Variants in ZNF624 observed in about 807,000 individuals in gnomAD.
ZNF624 encodes the protein zinc finger protein 624.
ZNF624 carries 43 observed loss-of-function variants against 74.7 expected under a neutral mutation model. The observed-to-expected ratio is 0.58, with a 90% CI of 0.45 to 0.74. ZNF624 has a LOEUF of 0.74. Among genes scored for constraint, ZNF624 ranks in the 30% least tolerant of loss-of-function variants. The pLI, the probability that ZNF624 is intolerant of heterozygous loss-of-function variation, is 0.00. For synonymous variants in ZNF624, 331 were observed against 341.3 expected (o/e 0.97, Z 0.33); for missense variants, 820 against 1,030.0 (o/e 0.80, Z 2.79).
chr17:16,616,961 G>A (rs1908803772), downstream of ZNF624: 6 of 1,590,564 alleles, frequency 3.8e-6, no homozygotes, highest in African/African-American at 8.1e-5. Context: ...TTTCAGGGTG[G>A]ACCAGGTAGC....
chr17:16,641,848 T>A (rs1909474007), intron 3 of ZNF624, among the ~76,000 whole-genome samples: 1 of 152,200 alleles, frequency 6.6e-6, no homozygotes, highest in Admixed American at 6.5e-5. Context: ...AAGTCAATTA[T>A]CTGTATACAC....
intron 3 of ZNF624, among the ~76,000 whole-genome samples, chr17:16,644,538 C>T (rs923220748): frequency 1.3e-5 from 2 of 152,136 alleles, no homozygotes; most frequent in South Asian, 4.1e-4. Flanking sequence ...AGATAATACA[C>T]TGATGCATAC....
In ZNF624 at chr17:16,621,150, A is replaced by G. The variant is rs1317332725; in HGVS notation, c.*1138T>C. On this transcript the variant is annotated 3_prime_UTR_variant, in exon 6 of 6. Coordinates refer to ENST00000311331, the MANE Select transcript of ZNF624 (RefSeq NM_020787.4). The stretch of plus-strand genomic sequence containing the variant: ...AACAAAAATGATATATTGTATATAT[A>G]CATTTGTTATAAAGCAATTATTTAT... The G allele has an allele frequency of 6.6e-6, 1 of 152,244 alleles. No individual in the cohort carries two copies. 9.4% of individuals were successfully genotyped at this position (152,244 alleles called of 1,614,324 possible).
Position 16,623,954 on chromosome 17 carries a change from T to C in ZNF624, c.932A>G (p.Lys311Arg), listed in dbSNP as rs760021117. The C allele has an allele frequency of 1.2e-6, 2 of 1,613,888 alleles. No homozygotes were observed. Among genetic ancestry groups the C allele is most frequent in the African/African-American group, 1.3e-5 (1 of 74,950 alleles). ...EKPYECNECG[K>R]TFSQPSYLSQ... ...GAGATATGAAGGCTGGCTGAATGTT[T>C]TCCCACATTCATTACATTCATAAGG... is the stretch of plus-strand genomic sequence containing the variant. The change falls in exon 6 of 6, where the codon AAA (lysine) becomes AGA (arginine). Residue 311 changes from lysine (K) to arginine (R), a missense_variant. Physicochemically the swap from Lys to Arg is conservative, Grantham distance 26 (BLOSUM62 2). Transcript: ENST00000311331. The surrounding 1 kb of genome is among the most constrained non-coding windows in gnomAD (Gnocchi z 5.3).
At chr17:16,630,607 G>A (rs1303919339) in intron 5 of ZNF624, among the ~76,000 whole-genome samples, 1 of 151,924 alleles carries the variant, frequency 6.6e-6, no homozygotes, top group Non-Finnish European at 1.5e-5. Flanking sequence ...AAGACAAAAA[G>A]TACAAGAATA....
At chr17:16,614,584 G>A in the ZNF624 span, among the ~76,000 whole-genome samples, 3 of 151,962 alleles carry the variant, frequency 2.0e-5, no homozygotes, top group Non-Finnish European at 4.4e-5. Context: ...ACAAAATTAT[G>A]GCAAAATAAT....
intron 5 of ZNF624, among the ~76,000 whole-genome samples, chr17:16,625,798 C>T (rs1169595632): frequency 1.3e-5 from 2 of 151,994 alleles, no homozygotes; most frequent in Non-Finnish European, 2.9e-5. Flanking sequence ...ACTGGTCTTA[C>T]AATGTGTTTG....
downstream of ZNF624, chr17:16,617,826 T>A: frequency 6.2e-7 from 1 of 1,611,762 alleles, no homozygotes; most frequent in Non-Finnish European, 8.5e-7. Context: ...GAAAAAGCGC[T>A]GGATGGCCTT....
intron 3 of ZNF624, among the ~76,000 whole-genome samples, chr17:16,636,466 C>A (rs1909332989): frequency 6.6e-6 from 1 of 152,058 alleles, no homozygotes; most frequent in Non-Finnish European, 1.5e-5. Flanking sequence ...AAAGAAAGGC[C>A]TCAGTTAGCT....
chr17:16,624,217 T>C lies in ZNF624; in HGVS notation c.669A>G (p.Arg223=). 1.3e-5 allele frequency: 21 copies of C among 1,614,228 alleles called. No individual in the cohort carries two copies. The highest frequency in any genetic ancestry group is 1.8e-5 in the Non-Finnish European group (21 of 1,180,038). The change falls in exon 6 of 6, where the codon AGA becomes AGG. Residue 223 remains arginine (R), a synonymous_variant. Transcript: ENST00000311331. The stretch of plus-strand genomic sequence containing the variant: ...TGAAATTTTCCTCTTGTGTTTGGCA[T>C]CTGCTGTGAAGCTCTTCTGTGGCAA... ...PGIATEELHS[R]CQTQEENFTE...
chr17:16,645,591 G>T (rs1170579293), intron 3 of ZNF624, among the ~76,000 whole-genome samples: 2 of 141,490 alleles, frequency 1.4e-5, no homozygotes, highest in Non-Finnish European at 3.1e-5. Context: ...TAAAATAAAA[G>T]ACATTTAGCA....
Position 16,622,255 on chromosome 17 carries a change from G to A in ZNF624, c.*33C>T. 1 of 1,446,774 alleles carries A rather than the reference G, an allele frequency of 6.9e-7. No homozygotes were observed. The allele number at this position is 1,446,774 out of a possible 1,614,324, so 89.6% of individuals were successfully genotyped here. A position where few individuals can be genotyped will look rare whatever the true frequency, so the allele number is the denominator to read the frequency against. ...TATAGTTTATAAGATTCATCTTGTG[G>A]AGTTGACATCTAGGTGAATGACTTA... On this transcript the variant is annotated 3_prime_UTR_variant, in exon 6 of 6. Transcript: ENST00000311331.
chr17:16,615,339 T>C, the ZNF624 span, among the ~76,000 whole-genome samples: 35,595 of 151,966 alleles, frequency 0.23, 4,656 homozygotes, highest in East Asian at 0.35. Flanking sequence ...CCTCGTGGTC[T>C]GCCCGCCTCG....
At chr17:16,645,929 G>C (rs1246598297) in intron 3 of ZNF624, among the ~76,000 whole-genome samples, 1 of 119,226 alleles carries the variant, frequency 8.4e-6, no homozygotes, top group Non-Finnish European at 1.6e-5. Flanking sequence ...CTGGGTGACA[G>C]AGCGAGACTC....
intron 3 of ZNF624, among the ~76,000 whole-genome samples, chr17:16,644,235 G>A (rs946283124): frequency 1.3e-5 from 2 of 151,978 alleles, no homozygotes; most frequent in African/African-American, 4.8e-5. Flanking sequence ...CCCACTCTTG[G>A]GTATGCCTTT....
Position 16,623,713 on chromosome 17 carries a change from A to C in ZNF624, c.1173T>G (p.Ser391Arg), listed in dbSNP as rs199871337. The part of the protein sequence containing the change: ...IQTGEKPYKC[S>R]ECGKAFSDKS... ...TATCACTAAAAGCTTTCCCGCATTC[A>C]CTACATTTATAGGGTTTCTCTCCAG... Residue 391 changes from serine to arginine, a missense_variant, in exon 6 of 6, where the codon AGT becomes AGG. By Grantham distance (110) the Ser-to-Arg change is moderately radical. Coordinates refer to ENST00000311331, the MANE Select transcript of ZNF624 (RefSeq NM_020787.4). The surrounding 1 kb of genome is among the most constrained non-coding windows in gnomAD (Gnocchi z 5.3). 1 of 1,612,370 alleles carries C rather than the reference A, an allele frequency of 6.2e-7. No homozygotes were observed. Among genetic ancestry groups the C allele is most frequent in the African/African-American group, 1.3e-5 (1 of 74,774 alleles).
At chr17:16,639,696 T>C (rs1469689302) in intron 3 of ZNF624, among the ~76,000 whole-genome samples, 2 of 152,170 alleles carry the variant, frequency 1.3e-5, no homozygotes, top group South Asian at 4.1e-4. Context: ...ACTATCACCA[T>C]GTTAACCAAG....
downstream of ZNF624, among the ~76,000 whole-genome samples, chr17:16,619,323 G>A (rs753306148): frequency 1.8e-4 from 28 of 151,878 alleles, 1 homozygote; most frequent in Admixed American, 3.9e-4. Flanking sequence ...CTTAAACTGG[G>A]CAAAAAAGCA....
At chr17:16,619,535 G>A (rs893028153), downstream of ZNF624, among the ~76,000 whole-genome samples, 1 of 152,184 alleles carries the variant, frequency 6.6e-6, no homozygotes, top group African/African-American at 2.4e-5. Flanking sequence ...TCTTGAACAG[G>A]TACTTCCCAA....
Sources: allele counts gnomAD v4.1 joint callset (sites outside exome capture counted in the v4.1 genomes callset), GRCh38; gene constraint gnomAD v4.1.1; non-coding constraint Gnocchi (gnomAD v3.1); transcripts MANE v1.5; gene names NCBI Gene and HGNC (gene_info 2026-07-23, HGNC 2026-07-21).